MBOAT2: variants seen among roughly 807,000 people sequenced by gnomAD.
The protein encoded by MBOAT2 is membrane-bound glycerophospholipid O-acyltransferase 2.
In MBOAT2, 28 loss-of-function variants were observed where a neutral mutation model predicts 63.4. The observed-to-expected ratio is 0.44, with a 90% CI of 0.33 to 0.61. The LOEUF is 0.61. Among genes scored for constraint, MBOAT2 ranks in the 20% least tolerant of loss-of-function variants. The pLI, the probability that MBOAT2 is intolerant of heterozygous loss-of-function variation, is 0.03. For synonymous variants in MBOAT2, 211 were observed against 215.6 expected, an observed-to-expected ratio of 0.98 and a Z score of 0.19; for missense variants, 470 against 605.8, an observed-to-expected ratio of 0.78 and a Z score of 2.35.
intron 3 of MBOAT2, among the ~76,000 whole-genome samples, chr2:8,924,177 A>G (rs1273217583): frequency 6.6e-6 from 1 of 152,204 alleles, no homozygotes; most frequent in Non-Finnish European, 1.5e-5. Flanking sequence ...CCATCTTCAC[A>G]CAAGATTCAG....
rs749156955 is a variant in MBOAT2 at position 8,858,701 on chromosome 2, C to T, written c.1541G>A (p.Arg514Lys). The change falls in exon 13 of 13, where the codon AGA becomes AAA. Residue 514 changes from arginine (R) to lysine (K), a missense_variant. Coordinates refer to ENST00000305997, the MANE Select transcript of MBOAT2 (RefSeq NM_138799.4). ...CGATCACTGCTTTAGTGATGAATGTCTCGAGGCTATTTCTTGATTCTGATT... is the reference window on the plus strand; with the variant it reads ...CGATCACTGCTTTAGTGATGAATGTTTCGAGGCTATTTCTTGATTCTGATT... ...VCNQNQEIAS[R>K]HSSLKQ 2.8e-5 allele frequency: 45 copies of T among 1,611,924 alleles called. No individual in the cohort carries two copies. Among genetic ancestry groups the T allele is most frequent in the Non-Finnish European group, 3.6e-5 (42 of 1,179,274 alleles).
intron 1 of MBOAT2, among the ~76,000 whole-genome samples, chr2:8,979,698 A>G (rs1671069480): frequency 6.6e-6 from 1 of 152,158 alleles, no homozygotes; most frequent in Admixed American, 6.6e-5. Context: ...ATTAAGCATG[A>G]GTTTAACAGC....
chr2:8,883,977 C>T (rs1663340916), intron 5 of MBOAT2, among the ~76,000 whole-genome samples: 1 of 150,674 alleles, frequency 6.6e-6, no homozygotes, highest in South Asian at 2.1e-4. Context: ...AATCCCAGTA[C>T]TTTGGGAGGC....
chr2:8,912,357 G>GAA (rs1558606691), intron 3 of MBOAT2, among the ~76,000 whole-genome samples: 3 of 104,168 alleles, frequency 2.9e-5, no homozygotes, highest in African/African-American at 8.1e-5. Context: ...GAAAGAGAAA[G>GAA]AAAGAAAGAA....
At chr2:8,923,091 C>T (rs2148612159) in intron 3 of MBOAT2, among the ~76,000 whole-genome samples, 1 of 152,314 alleles carries the variant, frequency 6.6e-6, no homozygotes, top group East Asian at 1.9e-4. Context: ...TTGAACTGAT[C>T]CTGCCCTTGT....
At chr2:8,932,400 A>T (rs1227258257) in intron 3 of MBOAT2, among the ~76,000 whole-genome samples, 4 of 152,328 alleles carry the variant, frequency 2.6e-5, no homozygotes, top group Admixed American at 6.5e-5. Flanking sequence ...CTACATCCTG[A>T]TGAAGAAGAC....
rs1387122234 is a variant in MBOAT2, at chr2:8,857,441, A to T, written c.*1238T>A. 1 of 152,282 alleles carries T rather than the reference A, an allele frequency of 6.6e-6. No individual in the cohort carries two copies. The highest frequency in any genetic ancestry group is 6.5e-5 in the Admixed American group (1 of 15,286). 9.4% of individuals were successfully genotyped at this position (152,282 alleles called of 1,614,324 possible). A position where few individuals can be genotyped will look rare whatever the true frequency, so the allele number is the denominator to read the frequency against. ...TTGTGGTAAAAATGGCCCATAAAATAAAAGCACATTTTTCCACTTACAGAA... is the reference window on the plus strand; with the variant it reads ...TTGTGGTAAAAATGGCCCATAAAATTAAAGCACATTTTTCCACTTACAGAA... On this transcript the variant is annotated 3_prime_UTR_variant, in exon 13 of 13. Coordinates refer to ENST00000305997, the MANE Select transcript of MBOAT2 (RefSeq NM_138799.4).
chr2:8,974,364 G>A (rs895982080), intron 1 of MBOAT2: 13 of 456,376 alleles, frequency 2.8e-5, no homozygotes, highest in East Asian at 1.4e-4. Flanking sequence ...CTTGCTTTTC[G>A]CCTGTGGACT....
intron 2 of MBOAT2, among the ~76,000 whole-genome samples, chr2:8,949,026 C>G (rs1032526359): frequency 6.6e-6 from 1 of 152,150 alleles, no homozygotes; most frequent in Non-Finnish European, 1.5e-5. Context: ...TTAATAATAA[C>G]CATTCTGACT....
chr2:8,969,773 A>C (rs566573029), intron 1 of MBOAT2, among the ~76,000 whole-genome samples: 2 of 152,348 alleles, frequency 1.3e-5, no homozygotes, highest in South Asian at 2.1e-4. Context: ...GAGACAAAGA[A>C]GGCCATTATA....
chr2:8,991,637 T>A (rs999233927), intron 1 of MBOAT2, among the ~76,000 whole-genome samples: 4 of 152,352 alleles, frequency 2.6e-5, no homozygotes, highest in Admixed American at 2.6e-4. Flanking sequence ...AGAACACAAG[T>A]GTACTTCAGA....
chr2:8,877,804 G>C (rs960401664), intron 6 of MBOAT2, among the ~76,000 whole-genome samples: 2 of 152,138 alleles, frequency 1.3e-5, no homozygotes, highest in African/African-American at 4.8e-5. Context: ...GGTGACAGGG[G>C]TTCCAGGCAG....
intron 6 of MBOAT2, among the ~76,000 whole-genome samples, chr2:8,881,655 T>C (rs1401243604): frequency 6.6e-6 from 1 of 152,032 alleles, no homozygotes; most frequent in African/African-American, 2.4e-5. Context: ...CAAGACCAAA[T>C]CAACCTCTCG....
chr2:8,904,551 TCCTCCCACCTTGG>T (rs952582314), intron 4 of MBOAT2, among the ~76,000 whole-genome samples: 1 of 152,126 alleles, frequency 6.6e-6, no homozygotes, highest in African/African-American at 2.4e-5. Context: ...GCTCAAGTGA[TCCTCCCACCTTGG>T]CCTCCCAAAG....
rs1661550664 is a variant in MBOAT2 at position 8,862,306 on chromosome 2, C to A, written c.1185+284G>T. The A allele has an allele frequency of 7.4e-7, 1 of 1,354,264 alleles. No homozygotes were observed. The allele number at this position is 1,354,264 out of a possible 1,614,324, so 83.9% of individuals were successfully genotyped here. A position where few individuals can be genotyped will look rare whatever the true frequency, so the allele number is the denominator to read the frequency against. On this transcript the variant is annotated intron_variant, in intron 11 of 12. Coordinates refer to ENST00000305997, the MANE Select transcript of MBOAT2 (RefSeq NM_138799.4). The surrounding 1 kb of genome is among the most constrained non-coding windows in gnomAD (Gnocchi z 4.3). The stretch of plus-strand genomic sequence containing the variant: ...CATCTTTATTTAACTCAGTTTTTAT[C>A]TCTCCTTCAGAAAATTCTGTAAAGA...
At chr2:8,897,448 A>G (rs557782477) in intron 4 of MBOAT2, among the ~76,000 whole-genome samples, 1 of 152,286 alleles carries the variant, frequency 6.6e-6, no homozygotes, top group East Asian at 1.9e-4. Context: ...GTTCCCCCAG[A>G]GGTTAGGAAC....
intron 7 of MBOAT2, 39 bp from the exon 8 acceptor site, chr2:8,873,339 T>C (rs745789207): frequency 2.5e-6 from 4 of 1,586,880 alleles, no homozygotes; most frequent in African/African-American, 2.7e-5. Context: ...ACTTTATCCA[T>C]GCTCCTTTTA....
chr2:8,952,711 T>C (rs1372432539), intron 2 of MBOAT2, among the ~76,000 whole-genome samples: 18 of 152,026 alleles, frequency 1.2e-4, no homozygotes, highest in Middle Eastern at 3.2e-3. Flanking sequence ...TATGATTTTA[T>C]GCATGTAGGT....
intron 2 of MBOAT2, among the ~76,000 whole-genome samples, chr2:8,948,005 C>T (rs984711400): frequency 2.0e-5 from 3 of 152,126 alleles, no homozygotes; most frequent in Non-Finnish European, 4.4e-5. Context: ...AAGGATTCAC[C>T]ATTCTAGATG....
Sources: gnomAD v4.1 joint callset for allele counts (sites outside exome capture counted in the v4.1 genomes callset) on GRCh38, gnomAD v4.1.1 for gene constraint, Gnocchi (gnomAD v3.1) non-coding constraint, MANE v1.5 for transcripts, NCBI Gene and HGNC (gene_info 2026-07-23, HGNC 2026-07-21) for gene names.